Variants in HS6ST3 observed in about 807,000 individuals in gnomAD.
HS6ST3 encodes heparan sulfate 6-O-sulfotransferase 3, also known as heparan-sulfate 6-O-sulfotransferase 3.
A neutral mutation model predicts 36.7 loss-of-function variants in HS6ST3; 12 were observed. The observed-to-expected ratio is 0.33, with a 90% CI of 0.21 to 0.53. The LOEUF (loss-of-function observed/expected upper bound fraction) is 0.53, where lower values mean the gene tolerates loss of function less well. Ranked by LOEUF, HS6ST3 falls within the 20% of genes least tolerant of loss-of-function variation. The probability of loss-of-function intolerance (pLI) is 0.95; values close to 1 mark genes in which losing one functional copy is unlikely to be tolerated. For missense variants in HS6ST3, 584 were observed against 640.9 expected (o/e 0.91, Z 0.96); for synonymous variants, 240 against 257.5 (o/e 0.93, Z 0.65).
At chr13:96,374,052 A>C (rs555522635) in intron 1 of HS6ST3, among the ~76,000 whole-genome samples, 19 of 152,204 alleles carry the variant, frequency 1.2e-4, no homozygotes, top group South Asian at 8.3e-4. Flanking sequence ...AAAGCGATAA[A>C]CACCTTGACT....
chr13:96,173,100 G>T (rs908016549), intron 1 of HS6ST3, among the ~76,000 whole-genome samples: 1 of 152,088 alleles, frequency 6.6e-6, no homozygotes, highest in Non-Finnish European at 1.5e-5. Context: ...ACAAAGAAAA[G>T]AATAGATATA....
At chr13:96,678,000 T>A (rs1410424862) in intron 1 of HS6ST3, among the ~76,000 whole-genome samples, 2 of 152,132 alleles carry the variant, frequency 1.3e-5, no homozygotes, top group African/African-American at 4.8e-5. Flanking sequence ...GGGTAATTTA[T>A]AATCAATAGA....
chr13:96,274,352 G>A (rs537942245), intron 1 of HS6ST3, among the ~76,000 whole-genome samples: 6 of 152,088 alleles, frequency 3.9e-5, no homozygotes, highest in African/African-American at 1.4e-4. Flanking sequence ...GAGGCCAGGA[G>A]GTTGAGCCCT....
chr13:96,829,741 C>A (rs914503096), intron 1 of HS6ST3, among the ~76,000 whole-genome samples: 4 of 152,112 alleles, frequency 2.6e-5, no homozygotes, highest in African/African-American at 9.7e-5. Flanking sequence ...TGATGATGAT[C>A]ATCATTGATG....
At chr13:96,411,663 T>C (rs2055508017) in intron 1 of HS6ST3, among the ~76,000 whole-genome samples, 1 of 152,150 alleles carries the variant, frequency 6.6e-6, no homozygotes, top group Non-Finnish European at 1.5e-5. Context: ...ATTATCAAGC[T>C]AGAGAACAGA....
chr13:96,738,329 G>C (rs946017108), intron 1 of HS6ST3, among the ~76,000 whole-genome samples: 32 of 152,130 alleles, frequency 2.1e-4, no homozygotes, highest in African/African-American at 7.5e-4. Context: ...AAGGATGATT[G>C]TATGTACAAG....
At chr13:96,473,852 G>A (rs935595487) in intron 1 of HS6ST3, among the ~76,000 whole-genome samples, 1 of 152,210 alleles carries the variant, frequency 6.6e-6, no homozygotes, top group Admixed American at 6.5e-5. Flanking sequence ...AGTGAGGACA[G>A]TGTTGCTCAG....
intron 1 of HS6ST3, among the ~76,000 whole-genome samples, chr13:96,348,871 C>A (rs2055168346): frequency 6.6e-6 from 1 of 152,140 alleles, no homozygotes; most frequent in African/African-American, 2.4e-5. Context: ...GATAACTAAC[C>A]ATGTCCTTAG....
Position 96,332,070 on chromosome 13 carries a change from C to T in HS6ST3, c.707+240501C>T, listed in dbSNP as rs537000609. Among the ~76,000 whole-genome samples, 37 of 152,314 alleles carry T rather than the reference C, an allele frequency of 2.4e-4. 1 individual carries two copies. In the South Asian group the frequency reaches 3.9e-3, roughly 16 times the overall value. ...CAGGGTGCACGCACCCACTGACCTG[C>T]GCCCACTGTCTGGCACTCCCTAGTG... is the stretch of plus-strand genomic sequence containing the variant. On this transcript the variant is annotated intron_variant, in intron 1 of 1. Coordinates refer to ENST00000376705, the MANE Select transcript of HS6ST3 (RefSeq NM_153456.4).
At chr13:96,684,934 A>C (rs1729685712) in intron 1 of HS6ST3, among the ~76,000 whole-genome samples, 1 of 152,122 alleles carries the variant, frequency 6.6e-6, no homozygotes, top group Non-Finnish European at 1.5e-5. Flanking sequence ...CATAGATTGC[A>C]TATATGTGTA....
intron 1 of HS6ST3, among the ~76,000 whole-genome samples, chr13:96,768,648 T>C (rs1877181239): frequency 6.6e-6 from 1 of 152,102 alleles, no homozygotes. Flanking sequence ...TCACACCACT[T>C]TGCTTGTTCG....
intron 1 of HS6ST3, among the ~76,000 whole-genome samples, chr13:96,116,966 G>A (rs748594876): frequency 6.6e-6 from 1 of 152,174 alleles, no homozygotes; most frequent in Non-Finnish European, 1.5e-5. Context: ...TCATTTTGAT[G>A]TTGAGCTTTA....
chr13:96,813,477 A>G (rs1172339364), intron 1 of HS6ST3, among the ~76,000 whole-genome samples: 1 of 152,200 alleles, frequency 6.6e-6, no homozygotes, highest in Non-Finnish European at 1.5e-5. Context: ...TCTGATATGT[A>G]GGAGCCCAAC....
At chr13:96,211,764 A>G (rs914288187) in intron 1 of HS6ST3, among the ~76,000 whole-genome samples, 3 of 152,226 alleles carry the variant, frequency 2.0e-5, no homozygotes, top group Non-Finnish European at 4.4e-5. Context: ...TTAAAATTTT[A>G]CATTCAGGTT....
rs1027109620 is a variant in HS6ST3, at chr13:96,112,815, A to G, written c.707+21246A>G. 2.6e-5 allele frequency among the ~76,000 whole-genome samples: 4 copies of G among 151,586 alleles called. No homozygotes were observed. In the South Asian group the frequency reaches 8.4e-4, roughly 32 times the overall value. On this transcript the variant is annotated intron_variant, in intron 1 of 1. Coordinates refer to ENST00000376705, the MANE Select transcript of HS6ST3 (RefSeq NM_153456.4). ...ATGTATAGTGAAGACAACATAACTT[A>G]AATAAAATGAAGAAGAAGAGGACTG...
In HS6ST3 at chr13:96,495,886, A is replaced by G. The variant is rs185062027; in HGVS notation, c.708-336604A>G. Among the ~76,000 whole-genome samples, 728 of 152,328 alleles carry G rather than the reference A, an allele frequency of 4.8e-3. 10 individuals carry two copies. Among genetic ancestry groups the G allele is most frequent in the African/African-American group, 0.016 (674 of 41,580 alleles). ...TCTCCCATATATTGCCCTCGTGAAG[A>G]GCGCAGTAGTTCCTTTCCCTCTTCA... On this transcript the variant is annotated intron_variant, in intron 1 of 1. Transcript: ENST00000376705.
chr13:96,400,074 G>C (rs1283190027), intron 1 of HS6ST3, among the ~76,000 whole-genome samples: 1 of 151,642 alleles, frequency 6.6e-6, no homozygotes, highest in African/African-American at 2.4e-5. Context: ...GGAAGCTCAG[G>C]TCTTTCACCT....
At chr13:96,419,366 G>C (rs576641437) in intron 1 of HS6ST3, among the ~76,000 whole-genome samples, 2 of 152,182 alleles carry the variant, frequency 1.3e-5, no homozygotes, top group African/African-American at 4.8e-5. Context: ...CAAAACAAAA[G>C]AGAAAATGTG....
chr13:96,801,866 A>G (rs1353912301), intron 1 of HS6ST3, among the ~76,000 whole-genome samples: 1 of 152,138 alleles, frequency 6.6e-6, no homozygotes, highest in Non-Finnish European at 1.5e-5. Context: ...GGAATAAATC[A>G]TAATGGGATT....
Sources: allele counts gnomAD v4.1 joint callset (sites outside exome capture counted in the v4.1 genomes callset), GRCh38; gene constraint gnomAD v4.1.1; transcripts MANE v1.5; gene names NCBI Gene and HGNC (gene_info 2026-07-23, HGNC 2026-07-21).